The following IPO11 variants were observed in gnomAD, a reference collection of about 807,000 sequenced individuals.
The protein encoded by IPO11 is importin 11.
IPO11 carries 66 observed loss-of-function variants against 143.2 expected under a neutral mutation model. That is an observed-to-expected ratio of 0.46 (90% CI 0.38 to 0.57). The LOEUF is 0.57. Among genes scored for constraint, IPO11 ranks in the 20% least tolerant of loss-of-function variants. The pLI, the probability that IPO11 is intolerant of heterozygous loss-of-function variation, is 0.00. For synonymous variants in IPO11, 385 were observed against 377.8 expected, an observed-to-expected ratio of 1.02 and a Z score of -0.22; for missense variants, 1,026 against 1,141.0, an observed-to-expected ratio of 0.90 and a Z score of 1.45.
intron 6 of IPO11, among the ~76,000 whole-genome samples, chr5:62,469,059 T>C (rs1054314803): frequency 6.6e-6 from 1 of 152,176 alleles, no homozygotes; most frequent in African/African-American, 2.4e-5. Context: ...TTTATGATAT[T>C]ATGATAACTG....
intron 28 of IPO11, among the ~76,000 whole-genome samples, chr5:62,599,965 T>G: frequency 6.6e-6 from 1 of 152,192 alleles, no homozygotes; most frequent in East Asian, 1.9e-4. Flanking sequence ...TGTCTAGTTT[T>G]TGGTCAGTGA....
At chr5:62,571,183 T>C (rs1034573006) in intron 27 of IPO11, among the ~76,000 whole-genome samples, 1 of 152,188 alleles carries the variant, frequency 6.6e-6, no homozygotes, top group Non-Finnish European at 1.5e-5. Flanking sequence ...TCATTTTATT[T>C]TTTGGAGATT....
chr5:62,586,035 T>C (rs912375886), intron 27 of IPO11, among the ~76,000 whole-genome samples: 1 of 152,164 alleles, frequency 6.6e-6, no homozygotes, highest in Non-Finnish European at 1.5e-5. Context: ...ATAAGTTTGG[T>C]GTTGGATCTC....
chr5:62,483,354 A>C, intron 10 of IPO11, 61 bp downstream of exon 10: 1 of 985,826 alleles, frequency 1.0e-6, no homozygotes, highest in Middle Eastern at 3.0e-4. Flanking sequence ...TATAATTGCT[A>C]TAATTACAAA....
chr5:62,499,566 TA>T, intron 16 of IPO11, among the ~76,000 whole-genome samples: 1 of 135,264 alleles, frequency 7.4e-6, no homozygotes. Context: ...CATCTTACTC[TA>T]ACTTTTTTTT....
intron 19 of IPO11, among the ~76,000 whole-genome samples, chr5:62,511,095 A>G (rs1741733509): frequency 6.6e-6 from 1 of 152,240 alleles, no homozygotes; most frequent in Non-Finnish European, 1.5e-5. Context: ...AACATTGTAT[A>G]TTCTAATGAC....
chr5:62,429,116 T>C (rs887442749), intron 1 of IPO11, among the ~76,000 whole-genome samples: 2 of 152,214 alleles, frequency 1.3e-5, no homozygotes, highest in African/African-American at 2.4e-5. Flanking sequence ...CAACCATCAT[T>C]ACAGTCAGTT....
At chr5:62,504,399 C>T (rs1741474518) in intron 16 of IPO11, among the ~76,000 whole-genome samples, 1 of 152,166 alleles carries the variant, frequency 6.6e-6, no homozygotes, top group Non-Finnish European at 1.5e-5. Context: ...AAATTATTTT[C>T]CTTCCTGGAA....
intron 9 of IPO11, among the ~76,000 whole-genome samples, chr5:62,478,263 T>C (rs1226931393): frequency 3.9e-5 from 6 of 152,158 alleles, no homozygotes; most frequent in South Asian, 2.1e-4. Flanking sequence ...CCTTGTGGGC[T>C]CAAGTGATCC....
At chr5:62,598,409 T>TTCCTTCC (rs1491418765) in intron 28 of IPO11, among the ~76,000 whole-genome samples, 1 of 10,486 alleles carries the variant, frequency 9.5e-5, no homozygotes, top group Non-Finnish European at 1.4e-4. Context: ...TCTTTCTTTC[T>TTCCTTCC]TTCTTTCTTT....
rs185037278 is a variant in IPO11, at chr5:62,514,001, G to C, written c.1783-1387G>C. On this transcript the variant is annotated intron_variant, in intron 19 of 29. Coordinates refer to ENST00000325324, the MANE Select transcript of IPO11 (RefSeq NM_016338.5). Reference sequence around the variant, plus strand: ...CCCACATCTCAGACGATGGGCTGCCGGGCAGAGACGCTCCTCACTTCCTAG... The same window carrying C: ...CCCACATCTCAGACGATGGGCTGCCCGGCAGAGACGCTCCTCACTTCCTAG... Among the ~76,000 whole-genome samples the C allele has an allele frequency of 4.4e-3, 670 of 150,622 alleles. 13 individuals are homozygous for C. The East Asian group carries it at 0.055, about 12-fold the overall frequency.
At chr5:62,514,447 T>C (rs1395872872) in intron 19 of IPO11, among the ~76,000 whole-genome samples, 1 of 151,630 alleles carries the variant, frequency 6.6e-6, no homozygotes, top group Non-Finnish European at 1.5e-5. Flanking sequence ...CGAAAACCAG[T>C]CAGGCGTGGC....
intron 16 of IPO11, among the ~76,000 whole-genome samples, chr5:62,503,396 A>AT (rs1346710032): frequency 6.1e-5 from 9 of 146,344 alleles, no homozygotes; most frequent in African/African-American, 2.2e-4. Flanking sequence ...GTATCTATTA[A>AT]TATATTAATA....
chr5:62,468,730 A>G (rs1017652985), intron 6 of IPO11, among the ~76,000 whole-genome samples: 2 of 152,190 alleles, frequency 1.3e-5, no homozygotes, highest in Non-Finnish European at 2.9e-5. Context: ...GCTTTACTAT[A>G]TCTTTGCCTG....
At chr5:62,514,828 A>G (rs921301111) in intron 19 of IPO11, among the ~76,000 whole-genome samples, 2 of 152,236 alleles carry the variant, frequency 1.3e-5, no homozygotes, top group African/African-American at 4.8e-5. Flanking sequence ...AACTTAATCC[A>G]TAGTGAGCTT....
chr5:62,479,617 A>C (rs975236834), intron 9 of IPO11, among the ~76,000 whole-genome samples: 48 of 152,130 alleles, frequency 3.2e-4, no homozygotes, highest in Admixed American at 1.0e-3. Context: ...CTGACTTTTT[A>C]ATGGTCGCCA....
At chr5:62,588,168 C>CT (rs1744871207) in intron 27 of IPO11, among the ~76,000 whole-genome samples, 2 of 151,974 alleles carry the variant, frequency 1.3e-5, no homozygotes, top group Admixed American at 6.6e-5. Flanking sequence ...GCTCAAAACT[C>CT]TAATATCCTG....
intron 27 of IPO11, chr5:62,581,458 T>C: frequency 1.5e-6 from 1 of 656,820 alleles, no homozygotes; most frequent in South Asian, 2.7e-5. Flanking sequence ...TTGTGAACAG[T>C]GTATTCATTT....
intron 22 of IPO11, among the ~76,000 whole-genome samples, chr5:62,531,727 G>A (rs1034912396): frequency 2.6e-5 from 4 of 152,050 alleles, no homozygotes; most frequent in African/African-American, 7.2e-5. Flanking sequence ...TCATTTTCTC[G>A]CCTTATTTGT....
Sources: gnomAD v4.1 joint callset for allele counts (sites outside exome capture counted in the v4.1 genomes callset) on GRCh38, gnomAD v4.1.1 for gene constraint, MANE v1.5 for transcripts, NCBI Gene and HGNC (gene_info 2026-07-23, HGNC 2026-07-21) for gene names.